The following GYS2 variants were observed in gnomAD, a reference collection of about 807,000 sequenced individuals.
GYS2 encodes the protein glycogen synthase 2.
Under a neutral mutation model 85.6 loss-of-function variants are expected in GYS2, and 80 were observed. The observed-to-expected ratio is 0.93, with a 90% CI of 0.78 to 1.13. The LOEUF is 1.13. Among genes scored for constraint, GYS2 ranks in the 50% most tolerant of loss-of-function variants. GYS2 has a pLI of 0.00. For synonymous variants in GYS2, 328 were observed against 300.7 expected, an observed-to-expected ratio of 1.09 and a Z score of -0.94; for missense variants, 881 against 854.9, an observed-to-expected ratio of 1.03 and a Z score of -0.38.
chr12:21,545,663 A>T (rs141729701), intron 12 of GYS2, among the ~76,000 whole-genome samples: 30 of 152,338 alleles, frequency 2.0e-4, no homozygotes, highest in African/African-American at 6.7e-4. Flanking sequence ...AGAAAAATAC[A>T]TAGTAAACCT....
rs1943907824 is a variant in GYS2, at chr12:21,536,119, A to G, written c.*835T>C. 6.6e-6 allele frequency: 1 copy of G among 152,238 alleles called. No individual in the cohort carries two copies. Among genetic ancestry groups the G allele is most frequent in the Non-Finnish European group, 1.5e-5 (1 of 68,030 alleles). The allele number at this position is 152,238 out of a possible 1,614,324, so 9.4% of individuals were successfully genotyped here. On this transcript the variant is annotated 3_prime_UTR_variant, in exon 16 of 16. Transcript: ENST00000261195. Reference sequence around the variant, plus strand: ...TTATCAGTGAAAGTTGTTATTCAATATTAATGTGTTTATTTACTTGGATTT... The same window carrying G: ...TTATCAGTGAAAGTTGTTATTCAATGTTAATGTGTTTATTTACTTGGATTT...
chr12:21,540,663 C>A, intron 13 of GYS2, 90 bp from the exon 14 acceptor site: 3 of 1,186,340 alleles, frequency 2.5e-6, no homozygotes, highest in Middle Eastern at 2.1e-4. Context: ...TTGGTTCCAT[C>A]AAAAACCTAT....
intron 1 of GYS2, among the ~76,000 whole-genome samples, chr12:21,586,998 T>C (rs1944581556): frequency 6.6e-6 from 1 of 152,076 alleles, no homozygotes; most frequent in Non-Finnish European, 1.5e-5. Context: ...TACTCAGCCA[T>C]AAAAAAGAAT....
At chr12:21,544,260 C>T (rs1375163436) in intron 12 of GYS2, among the ~76,000 whole-genome samples, 4 of 152,162 alleles carry the variant, frequency 2.6e-5, no homozygotes, top group Non-Finnish European at 4.4e-5. Context: ...ATGTAAAACA[C>T]AGCATGACTC....
In GYS2 at chr12:21,557,812, T is replaced by C. The variant is rs542693809; in HGVS notation, c.1422+388A>G. On this transcript the variant is annotated intron_variant, in intron 11 of 15. Coordinates refer to ENST00000261195, the MANE Select transcript of GYS2 (RefSeq NM_021957.4). ...TACTCGGGAGGCTGAGGCAGGAGAA[T>C]GGTGTGGACCCGGGAGGCGGAGCTT... is the stretch of plus-strand genomic sequence containing the variant. Among the ~76,000 whole-genome samples the C allele has an allele frequency of 2.7e-3, 404 of 151,954 alleles. 1 individual carries two copies. The highest frequency in any genetic ancestry group is 9.3e-3 in the African/African-American group (386 of 41,448).
chr12:21,591,869 C>T (rs1944643111), intron 1 of GYS2, among the ~76,000 whole-genome samples: 2 of 151,896 alleles, frequency 1.3e-5, no homozygotes, highest in African/African-American at 4.8e-5. Flanking sequence ...AAAATGACAC[C>T]AAGGATGTTA....
chr12:21,559,962 G>C (rs1871138), intron 8 of GYS2, among the ~76,000 whole-genome samples: 113,442 of 152,058 alleles, frequency 0.75, 42,584 homozygotes, highest in South Asian at 0.8. Context: ...ATGATGATTG[G>C]AACAGGATAG....
chr12:21,545,172 A>G (rs1216165392), intron 12 of GYS2, among the ~76,000 whole-genome samples: 5 of 152,142 alleles, frequency 3.3e-5, no homozygotes, highest in Admixed American at 2.6e-4. Flanking sequence ...GCCGGGTGTG[A>G]TGGCTCACGT....
intron 11 of GYS2, among the ~76,000 whole-genome samples, chr12:21,548,981 A>T (rs765932418): frequency 6.6e-6 from 1 of 152,166 alleles, no homozygotes; most frequent in African/African-American, 2.4e-5. Context: ...ACTACAAATC[A>T]TGGCTTGATT....
chr12:21,553,701 A>T (rs970826478), intron 11 of GYS2, among the ~76,000 whole-genome samples: 1 of 152,180 alleles, frequency 6.6e-6, no homozygotes, highest in African/African-American at 2.4e-5. Flanking sequence ...AACAGAATGG[A>T]AAGGTTGCTG....
chr12:21,585,541 G>A (rs140080902), intron 1 of GYS2, among the ~76,000 whole-genome samples: 1,454 of 143,622 alleles, frequency 0.01, 12 homozygotes, highest in Middle Eastern at 0.023. Flanking sequence ...ACAAATAAAG[G>A]TTTGGGTCAC....
chr12:21,595,019 G>T (rs78136145), intron 1 of GYS2, among the ~76,000 whole-genome samples: 234 of 152,226 alleles, frequency 1.5e-3, no homozygotes, highest in African/African-American at 5.3e-3. Flanking sequence ...TCAAGAAATG[G>T]TGCTGAAAAA....
intron 1 of GYS2, among the ~76,000 whole-genome samples, chr12:21,587,014 C>G (rs988059667): frequency 6.6e-6 from 1 of 152,086 alleles, no homozygotes; most frequent in Non-Finnish European, 1.5e-5. Flanking sequence ...AGAATGAAAT[C>G]ATGTCTTCTC....
chr12:21,584,378 TCACCAA>T (rs369421021), intron 1 of GYS2, among the ~76,000 whole-genome samples: 62,898 of 151,718 alleles, frequency 0.41, 13,593 homozygotes, highest in Middle Eastern at 0.53. Context: ...ATGTGAGTGC[TCACCAA>T]TGGGTGACCT....
chr12:21,580,223 C>T, intron 2 of GYS2, 119 bp downstream of exon 2: 1 of 932,214 alleles, frequency 1.1e-6, no homozygotes. Context: ...ATCTTTCTCA[C>T]AAACCTGAAA....
At chr12:21,582,628 GAT>G (rs1272011891) in intron 1 of GYS2, among the ~76,000 whole-genome samples, 2 of 112,136 alleles carry the variant, frequency 1.8e-5, no homozygotes, top group Admixed American at 1.7e-4. Flanking sequence ...TATAGATATA[GAT>G]ATAGATATAT....
downstream of GYS2, among the ~76,000 whole-genome samples, chr12:21,535,288 G>A (rs1943900603): frequency 2.0e-5 from 3 of 152,036 alleles, no homozygotes; most frequent in Non-Finnish European, 2.9e-5. Context: ...GAATAGACAC[G>A]TTAAGCTAGT....
chr12:21,578,277 T>C (rs185316006), intron 2 of GYS2, among the ~76,000 whole-genome samples: 38 of 152,316 alleles, frequency 2.5e-4, no homozygotes, highest in Admixed American at 1.4e-3. Flanking sequence ...CTATTCCTTA[T>C]TTAATTCCTT....
intron 1 of GYS2, among the ~76,000 whole-genome samples, chr12:21,587,686 C>G (rs150310493): frequency 6.6e-6 from 1 of 151,664 alleles, no homozygotes; most frequent in African/African-American, 2.4e-5. Flanking sequence ...AGCATGATAA[C>G]GAACTAGTAC....
Sources: allele counts gnomAD v4.1 joint callset (sites outside exome capture counted in the v4.1 genomes callset), GRCh38; gene constraint gnomAD v4.1.1; transcripts MANE v1.5; gene names NCBI Gene and HGNC (gene_info 2026-07-23, HGNC 2026-07-21).